SPATA31C1: variants seen among roughly 807,000 people sequenced by gnomAD.
SPATA31C1 encodes the protein SPATA31 subfamily C member 1.
At chr9:87,919,617 G>T in intron 3 of SPATA31C1, among the ~76,000 whole-genome samples, 1 of 79,598 alleles carries the variant, frequency 1.3e-5, no homozygotes, top group Non-Finnish European at 2.5e-5. Context: ...CCGCTCCCTG[G>T]GAACAGCTGT....
At chr9:87,921,214 T>C (rs754845796) in exon 5 of SPATA31C1, 3 of 1,611,896 alleles carry the variant, frequency 1.9e-6, no homozygotes, top group Admixed American at 3.3e-5. Flanking sequence ...ACTCCTAACC[T>C]TCCCCAGGAA....
chr9:87,916,768 C>T (rs1216115069), intron 1 of SPATA31C1, among the ~76,000 whole-genome samples: 53 of 95,062 alleles, frequency 5.6e-4, no homozygotes, highest in Middle Eastern at 5.3e-3. Flanking sequence ...GAGGCCAAGG[C>T]GGGCGGATCA....
upstream of SPATA31C1, among the ~76,000 whole-genome samples, chr9:87,913,955 TAAAAAA>T (rs1429427409): frequency 1.3e-5 from 1 of 77,148 alleles, no homozygotes; most frequent in African/African-American, 4.7e-5. Flanking sequence ...CTCAAAAAAA[TAAAAAA>T]AATAAAAAAA....
At chr9:87,921,037 C>G (rs201446302) in exon 5 of SPATA31C1, 25,359 of 1,611,638 alleles carry the variant, frequency 0.016, 238 homozygotes, top group Middle Eastern at 0.024. Flanking sequence ...TTTCTATCCC[C>G]GATGAAGAAC....
At position 87,922,890 on chromosome 9, in the gene SPATA31C1, C is replaced by T. The variant is rs542892181; in HGVS notation, n.3280C>T. ...CCCAGGCAGAAAAACAGAAGACACCCGTCAGAATGAAGGCGTCCAGCTACT... is the reference window on the plus strand; with the variant it reads ...CCCAGGCAGAAAAACAGAAGACACCTGTCAGAATGAAGGCGTCCAGCTACT... On this transcript the variant is annotated non_coding_transcript_exon_variant, in exon 5 of 5. Coordinates refer to ENST00000420021, the Ensembl canonical transcript of SPATA31C1. 5.6e-5 allele frequency: 90 copies of T among 1,605,338 alleles called. No individual in the cohort carries two copies. In the African/African-American group the frequency reaches 8.7e-4, roughly 16 times the overall value.
At chr9:87,916,214 T>C (rs1266244417) in intron 1 of SPATA31C1, among the ~76,000 whole-genome samples, 5 of 135,326 alleles carry the variant, frequency 3.7e-5, no homozygotes, top group Admixed American at 2.2e-4. Flanking sequence ...TAGATACCAA[T>C]GGTGGTCAGA....
exon 5 of SPATA31C1, chr9:87,922,551 G>T (rs614649): frequency 1.9e-6 from 3 of 1,609,662 alleles, no homozygotes; most frequent in South Asian, 1.1e-5. Flanking sequence ...AGTTTCTGCC[G>T]CTGTTGTGCT....
rs370689625 is a variant in SPATA31C1, at chr9:87,922,004, C to T, written n.2394C>T. 1.8e-3 allele frequency: 2,941 copies of T among 1,613,698 alleles called. 76 individuals are homozygous for T. The East Asian group carries it at 0.056, about 31-fold the overall frequency. On this transcript the variant is annotated non_coding_transcript_exon_variant, in exon 5 of 5. Transcript: ENST00000420021. ...TTGCTGGTCCCTCCTCAGACACCTGCGAATCTGGGGCTGGCTCAAAAGTTG... is the reference window on the plus strand; with the variant it reads ...TTGCTGGTCCCTCCTCAGACACCTGTGAATCTGGGGCTGGCTCAAAAGTTG...
exon 5 of SPATA31C1, chr9:87,922,808 G>C (rs1460875064): frequency 3.7e-5 from 59 of 1,606,146 alleles, no homozygotes; most frequent in Non-Finnish European, 5.0e-5. Flanking sequence ...ACTCTAGGAA[G>C]CCCAACTTAG....
intron 3 of SPATA31C1, 115 bp downstream of exon 2, chr9:87,919,463 C>G (rs1471625007): frequency 1.6e-5 from 23 of 1,458,754 alleles, no homozygotes; most frequent in Non-Finnish European, 1.6e-5. Context: ...GGAAGGAAAT[C>G]AGAACCCTGG....
At chr9:87,922,887 A>G (rs1179895123) in exon 5 of SPATA31C1, 18 of 1,605,398 alleles carry the variant, frequency 1.1e-5, no homozygotes, top group Non-Finnish European at 1.5e-5. Flanking sequence ...AACAGAAGAC[A>G]CCCGTCAGAA....
exon 5 of SPATA31C1, chr9:87,920,449 C>G (rs1419224038): frequency 1.2e-6 from 2 of 1,613,866 alleles, no homozygotes; most frequent in African/African-American, 1.3e-5. Flanking sequence ...GCCTCCACCC[C>G]ACCACCAGGC....
chr9:87,922,661 G>A lies in SPATA31C1; in HGVS notation n.3051G>A, dbSNP rs1384417548. On this transcript the variant is annotated non_coding_transcript_exon_variant, in exon 5 of 5. Transcript: ENST00000420021. ...TCCAGAGCACGCCTACTGGGAACAT[G>A]CAGGCTTCCCAGGAGCTATGTGACC... 6.2e-7 allele frequency: 1 copy of A among 1,608,420 alleles called. No individual in the cohort carries two copies. Among genetic ancestry groups the A allele is most frequent in the Admixed American group, 1.7e-5 (1 of 59,818 alleles).
exon 5 of SPATA31C1, chr9:87,920,827 C>G (rs375859739): frequency 6.2e-7 from 1 of 1,613,698 alleles, no homozygotes; most frequent in Non-Finnish European, 8.5e-7. Context: ...ATCTTCAACT[C>G]GTCAGTCCAG....
intron 1 of SPATA31C1, among the ~76,000 whole-genome samples, chr9:87,915,799 C>T (rs1828702476): frequency 6.9e-6 from 1 of 144,840 alleles, no homozygotes; most frequent in Admixed American, 6.9e-5. Flanking sequence ...GCCAATACCA[C>T]ACTGTCTTGA....
At chr9:87,921,969 C>T in exon 5 of SPATA31C1, 1 of 1,613,010 alleles carries the variant, frequency 6.2e-7, no homozygotes, top group Middle Eastern at 1.9e-4. Context: ...ATCCTTGTCC[C>T]TTATACAGCT....
rs539994715 is a variant in SPATA31C1, at chr9:87,920,395, C to T, written n.785C>T. On this transcript the variant is annotated non_coding_transcript_exon_variant, in exon 5 of 5. Coordinates refer to ENST00000420021, the Ensembl canonical transcript of SPATA31C1. ...GAAGATGCTGCTCCCATTGTCTCCC[C>T]GTTAGCTTCCCCGGATCCTCGAACC... 141 of 1,613,958 alleles carry T rather than the reference C, an allele frequency of 8.7e-5. 2 individuals are homozygous for T. The South Asian group carries it at 1.1e-3, about 13-fold the overall frequency.
exon 5 of SPATA31C1, chr9:87,922,526 A>G (rs762166461): frequency 6.2e-7 from 1 of 1,610,888 alleles, no homozygotes; most frequent in South Asian, 1.1e-5. Context: ...CCACGAAGTC[A>G]GAGACCCAGC....
chr9:87,920,929 C>G (rs750782835), exon 5 of SPATA31C1: 1 of 1,613,216 alleles, frequency 6.2e-7, no homozygotes, highest in Non-Finnish European at 8.5e-7. Flanking sequence ...GAGTCCCAAC[C>G]CTTTATTTCA....
Sources: gnomAD v4.1 joint callset for allele counts (sites outside exome capture counted in the v4.1 genomes callset) on GRCh38, gnomAD v4.1.1 for gene constraint, MANE v1.5 for transcripts, NCBI Gene and HGNC (gene_info 2026-07-23, HGNC 2026-07-21) for gene names.